Variants in MAGI2 observed in about 807,000 individuals in gnomAD.
The protein encoded by MAGI2 is membrane-associated guanylate kinase, WW and PDZ domain-containing protein 2.
A neutral mutation model predicts 133.3 loss-of-function variants in MAGI2; 35 were observed. That is an observed-to-expected ratio of 0.26 (90% CI 0.20 to 0.35). MAGI2 has a LOEUF of 0.35. Among genes scored for constraint, MAGI2 ranks in the 10% least tolerant of loss-of-function variants. The pLI, the probability that MAGI2 is intolerant of heterozygous loss-of-function variation, is 1.00. For missense variants in MAGI2, 1,636 were observed against 1,863.4 expected (o/e 0.88, Z 2.25); for synonymous variants, 729 against 710.6 (o/e 1.03, Z -0.41).
chr7:78,816,500 T>C lies in MAGI2; in HGVS notation c.419-189261A>G, dbSNP rs79016488. On this transcript the variant is annotated intron_variant, in intron 2 of 21. Coordinates refer to ENST00000354212, the MANE Select transcript of MAGI2 (RefSeq NM_012301.4). ...TAGAAAGGATAAGTCTATGCCTAGC[T>C]TCAAAGCTTAAAGACAGAATGACTC... is the stretch of plus-strand genomic sequence containing the variant. 7.2e-3 allele frequency among the ~76,000 whole-genome samples: 1,103 copies of C among 152,354 alleles called. 40 individuals are homozygous for C. Among genetic ancestry groups the C allele is most frequent in the Admixed American group, 0.051 (773 of 15,306 alleles).
intron 6 of MAGI2, among the ~76,000 whole-genome samples, chr7:78,450,938 T>G (rs979928486): frequency 6.6e-6 from 1 of 152,046 alleles, no homozygotes; most frequent in Non-Finnish European, 1.5e-5. Flanking sequence ...CCATGATACA[T>G]GTTGTAATAG....
intron 2 of MAGI2, among the ~76,000 whole-genome samples, chr7:78,764,843 T>C (rs1428097558): frequency 6.6e-6 from 1 of 152,210 alleles, no homozygotes; most frequent in African/African-American, 2.4e-5. Context: ...AACCACTACA[T>C]GATAATTTTG....
intron 2 of MAGI2, among the ~76,000 whole-genome samples, chr7:78,637,847 C>A (rs897550272): frequency 2.0e-5 from 3 of 152,000 alleles, no homozygotes; most frequent in Admixed American, 6.6e-5. Flanking sequence ...ACATCTGTAA[C>A]CCCAGCACTT....
intron 4 of MAGI2, among the ~76,000 whole-genome samples, chr7:78,504,613 C>T (rs980637622): frequency 2.6e-5 from 4 of 152,056 alleles, no homozygotes; most frequent in African/African-American, 9.7e-5. Flanking sequence ...TGTTTGGGAA[C>T]ATAATGCCTA....
At chr7:79,395,045 T>C (rs1844940420) in intron 1 of MAGI2, among the ~76,000 whole-genome samples, 2 of 152,208 alleles carry the variant, frequency 1.3e-5, no homozygotes, top group African/African-American at 4.8e-5. Flanking sequence ...CTCAGAGGCA[T>C]ACACATTATG....
chr7:78,046,617 A>C (rs1338918351), intron 21 of MAGI2, among the ~76,000 whole-genome samples: 2 of 152,058 alleles, frequency 1.3e-5, no homozygotes, highest in African/African-American at 2.4e-5. Context: ...GATATGGCCA[A>C]GTCATGGGGC....
intron 6 of MAGI2, among the ~76,000 whole-genome samples, chr7:78,423,748 G>T (rs1475700884): frequency 6.6e-6 from 1 of 152,174 alleles, no homozygotes; most frequent in African/African-American, 2.4e-5. Context: ...TTTTACCAAA[G>T]AGACTGCCGG....
chr7:78,853,392 G>C (rs1379758799), intron 2 of MAGI2, among the ~76,000 whole-genome samples: 1 of 99,194 alleles, frequency 1.0e-5, no homozygotes, highest in Non-Finnish European at 1.8e-5. Context: ...GTCTCACTCT[G>C]TAGTCCAGGC....
At chr7:79,023,140 G>A (rs1338663710) in intron 1 of MAGI2, among the ~76,000 whole-genome samples, 2 of 151,866 alleles carry the variant, frequency 1.3e-5, no homozygotes, top group Non-Finnish European at 2.9e-5. Context: ...TATCCACCAT[G>A]ATCAAGTGGG....
At chr7:78,471,386 T>C (rs1248681589) in intron 6 of MAGI2, among the ~76,000 whole-genome samples, 1 of 152,092 alleles carries the variant, frequency 6.6e-6, no homozygotes, top group African/African-American at 2.4e-5. Flanking sequence ...TGGGCTGTTG[T>C]GGAGATTAAA....
At chr7:78,182,615 T>A (rs566356223) in intron 13 of MAGI2, among the ~76,000 whole-genome samples, 1 of 152,314 alleles carries the variant, frequency 6.6e-6, no homozygotes, top group East Asian at 1.9e-4. Flanking sequence ...TGGTTTATGC[T>A]CTCTCTTAGC....
At chr7:78,107,803 T>C (rs1177523189) in intron 20 of MAGI2, among the ~76,000 whole-genome samples, 2 of 151,474 alleles carry the variant, frequency 1.3e-5, no homozygotes, top group Non-Finnish European at 2.9e-5. Flanking sequence ...TAGTAATCTC[T>C]AATAATCCTT....
intron 1 of MAGI2, among the ~76,000 whole-genome samples, chr7:79,169,762 T>C (rs767637681): frequency 6.6e-6 from 1 of 152,146 alleles, no homozygotes; most frequent in Non-Finnish European, 1.5e-5. Flanking sequence ...TTAAAACTCA[T>C]GGCCAGCTAA....
intron 2 of MAGI2, among the ~76,000 whole-genome samples, chr7:78,649,233 A>AAAAAAAAAAAAAAAAAAAAAAAC (rs1811251487): frequency 1.2e-5 from 1 of 82,496 alleles, no homozygotes; most frequent in African/African-American, 4.3e-5. Context: ...AAAAAAAAAA[A>AAAAAAAAAAAAAAAAAAAAAAAC]AAGAAAAAAA....
At chr7:79,020,531 C>T (rs577226369) in intron 1 of MAGI2, among the ~76,000 whole-genome samples, 74 of 152,044 alleles carry the variant, frequency 4.9e-4, no homozygotes, top group Admixed American at 2.2e-3. Context: ...CTTTGTGAGG[C>T]GGAGGCGGGC....
chr7:78,997,121 C>T (rs1017805724), intron 2 of MAGI2, among the ~76,000 whole-genome samples: 2 of 152,142 alleles, frequency 1.3e-5, no homozygotes, highest in African/African-American at 4.8e-5. Context: ...TTGATGCATA[C>T]AAGTGGGTCT....
At chr7:79,309,854 G>C (rs1324761325) in intron 1 of MAGI2, among the ~76,000 whole-genome samples, 1 of 151,394 alleles carries the variant, frequency 6.6e-6, no homozygotes. Flanking sequence ...CATCAGGTCA[G>C]GCGCAGTGGC....
At chr7:78,823,580 C>CAAA (rs1166858938) in intron 2 of MAGI2, among the ~76,000 whole-genome samples, 17 of 91,812 alleles carry the variant, frequency 1.9e-4, no homozygotes, top group East Asian at 6.8e-4. Flanking sequence ...GACTCCGTCT[C>CAAA]AAAAAAAAAA....
At chr7:78,206,294 C>CTTT (rs869221931) in intron 10 of MAGI2, among the ~76,000 whole-genome samples, 4 of 44,754 alleles carry the variant, frequency 8.9e-5, no homozygotes, top group South Asian at 5.3e-4. Context: ...CTTTTCCTTT[C>CTTT]TTTTTTTTTT....
Sources: gnomAD v4.1 joint callset for allele counts (sites outside exome capture counted in the v4.1 genomes callset) on GRCh38, gnomAD v4.1.1 for gene constraint, MANE v1.5 for transcripts, NCBI Gene and HGNC (gene_info 2026-07-23, HGNC 2026-07-21) for gene names.